Variants in LRRC7 observed in about 807,000 individuals in gnomAD.
LRRC7 encodes leucine rich repeat containing 7.
LRRC7 carries 23 observed loss-of-function variants against 175.7 expected under a neutral mutation model. The ratio of observed to expected loss-of-function variants is 0.13; its 90% CI spans 0.09 to 0.19. The LOEUF is 0.19. LRRC7 is among the 10% of genes least tolerant of loss of function. The pLI is 1.00. For synonymous variants in LRRC7, 685 were observed against 680.9 expected (o/e 1.01, Z -0.09); for missense variants, 1,354 against 1,904.7 (o/e 0.71, Z 5.38).
chr1:69,845,206 A>G (rs1314775198), intron 7 of LRRC7, among the ~76,000 whole-genome samples: 1 of 152,088 alleles, frequency 6.6e-6, no homozygotes, highest in Non-Finnish European at 1.5e-5. Context: ...AGCTCTGATC[A>G]TGCCACTGCA....
intron 3 of LRRC7, among the ~76,000 whole-genome samples, chr1:69,778,226 T>G (rs1043617325): frequency 1.3e-5 from 2 of 152,172 alleles, no homozygotes; most frequent in Non-Finnish European, 2.9e-5. Flanking sequence ...ATGTATACAA[T>G]TCCATAGTTG....
chr1:69,830,934 T>C (rs1249135589), intron 5 of LRRC7, among the ~76,000 whole-genome samples: 1 of 151,924 alleles, frequency 6.6e-6, no homozygotes, highest in Admixed American at 6.6e-5. Flanking sequence ...AAAAATGTGG[T>C]CAATTCTTAA....
At chr1:69,655,635 A>G (rs61782251) in intron 1 of LRRC7, among the ~76,000 whole-genome samples, 10,513 of 152,084 alleles carry the variant, frequency 0.069, 474 homozygotes, top group African/African-American at 0.12. Context: ...TTTAACATTT[A>G]TGTACAAAAT....
intron 1 of LRRC7, among the ~76,000 whole-genome samples, chr1:69,579,950 T>C (rs1480592379): frequency 1.3e-5 from 2 of 151,910 alleles, no homozygotes; most frequent in African/African-American, 4.8e-5. Context: ...GAAGTGTTTA[T>C]GACCCAGTGC....
chr1:69,728,528 C>T (rs1570537184), intron 2 of LRRC7, among the ~76,000 whole-genome samples: 2 of 150,904 alleles, frequency 1.3e-5, no homozygotes, highest in East Asian at 2.0e-4. Flanking sequence ...GTTATTGCTA[C>T]ATCAAAATAT....
At chr1:70,043,852 C>A in intron 21 of LRRC7, 102 bp from the exon 22 acceptor site, 1 of 1,369,910 alleles carries the variant, frequency 7.3e-7, no homozygotes, top group South Asian at 1.5e-5. Flanking sequence ...TACTGTTTGC[C>A]TGCCTAAAGT....
chr1:70,083,479 C>G (rs928901869), intron 24 of LRRC7, among the ~76,000 whole-genome samples: 1 of 152,080 alleles, frequency 6.6e-6, no homozygotes, highest in East Asian at 1.9e-4. Flanking sequence ...TACCATGAAG[C>G]ATTCTTTCTG....
rs1220225872 is a variant in LRRC7, at chr1:69,760,516, G to C, written c.303+123G>C. ...AGGTAACTGACAAGTCATTGAAATT[G>C]ATATAACTTCCCCCAATATTCTCAT... is the stretch of plus-strand genomic sequence containing the variant. On this transcript the variant is annotated intron_variant, in intron 3 of 26. Transcript: ENST00000651989. The C allele has an allele frequency of 6.4e-6, 5 of 775,678 alleles. No homozygotes were observed. In the African/African-American group the frequency reaches 8.8e-5, roughly 14 times the overall value. The allele number at this position is 775,678 out of a possible 1,614,324, so 48.0% of individuals were successfully genotyped here. A position where few individuals can be genotyped will look rare whatever the true frequency, so the allele number is the denominator to read the frequency against.
At chr1:69,872,571 A>C (rs1411969360) in intron 7 of LRRC7, among the ~76,000 whole-genome samples, 1 of 152,082 alleles carries the variant, frequency 6.6e-6, no homozygotes, top group Non-Finnish European at 1.5e-5. Flanking sequence ...TCTAGAGATG[A>C]TAAATATTTT....
chr1:69,670,810 T>C (rs541303009), intron 1 of LRRC7, among the ~76,000 whole-genome samples: 1 of 152,122 alleles, frequency 6.6e-6, no homozygotes, highest in Non-Finnish European at 1.5e-5. Context: ...CCCATGGGGA[T>C]TAGTGATAGG....
intron 2 of LRRC7, among the ~76,000 whole-genome samples, chr1:69,694,014 C>G (rs932646304): frequency 6.6e-6 from 1 of 152,132 alleles, no homozygotes; most frequent in Non-Finnish European, 1.5e-5. Flanking sequence ...CTACATTGTT[C>G]AAGCAAATCA....
intron 8 of LRRC7, among the ~76,000 whole-genome samples, chr1:69,935,080 C>A (rs529408680): frequency 2.6e-5 from 4 of 152,070 alleles, no homozygotes; most frequent in Admixed American, 6.6e-5. Flanking sequence ...GTTTAGAGTT[C>A]GGGAATTCAA....
intron 3 of LRRC7, among the ~76,000 whole-genome samples, chr1:69,790,912 A>T (rs540709771): frequency 9.9e-5 from 15 of 152,028 alleles, no homozygotes; most frequent in Non-Finnish European, 2.1e-4. Context: ...TGCATATTTC[A>T]TATTAAGTAA....
intron 1 of LRRC7, among the ~76,000 whole-genome samples, chr1:69,582,335 CT>C: frequency 6.6e-6 from 1 of 152,278 alleles, no homozygotes. Context: ...CATTTCTCCC[CT>C]ACAGACCTGT....
chr1:69,662,030 T>C (rs1010031056), intron 1 of LRRC7, among the ~76,000 whole-genome samples: 3 of 152,234 alleles, frequency 2.0e-5, no homozygotes, highest in Middle Eastern at 3.4e-3. Context: ...GTTTTTTCAT[T>C]TAGGCAACTT....
At chr1:69,709,716 G>A (rs1039244727) in intron 2 of LRRC7, among the ~76,000 whole-genome samples, 4 of 152,118 alleles carry the variant, frequency 2.6e-5, no homozygotes, top group South Asian at 2.1e-4. Context: ...TAGGAAAGAC[G>A]GACTCTCTGG....
chr1:69,699,682 C>T (rs1017139851), intron 2 of LRRC7, among the ~76,000 whole-genome samples: 6 of 150,376 alleles, frequency 4.0e-5, no homozygotes, highest in Non-Finnish European at 8.8e-5. Context: ...GTGGGGTTCA[C>T]GTGTCCCTCC....
intron 1 of LRRC7, among the ~76,000 whole-genome samples, chr1:69,621,867 C>T (rs12136900): frequency 0.27 from 40,736 of 151,966 alleles, 5,797 homozygotes; most frequent in East Asian, 0.36. Context: ...CTTCTTCATT[C>T]TATTCAATGC....
rs547218855 is a variant in LRRC7, at chr1:70,111,449, C to A, written c.4620+3623C>A. On this transcript the variant is annotated intron_variant, in intron 26 of 26. Coordinates refer to ENST00000651989, the MANE Select transcript of LRRC7 (RefSeq NM_001370785.2). ...TCATAGACTCACCTTCTGTTAAGTT[C>A]AATTATATAACAGTAAGAGAAAAAA... Among the ~76,000 whole-genome samples, 49 of 152,016 alleles carry A rather than the reference C, an allele frequency of 3.2e-4. No individual in the cohort carries two copies. The South Asian group carries it at 9.6e-3, about 30-fold the overall frequency.
Sources: allele counts gnomAD v4.1 joint callset (sites outside exome capture counted in the v4.1 genomes callset), GRCh38; gene constraint gnomAD v4.1.1; transcripts MANE v1.5; gene names NCBI Gene and HGNC (gene_info 2026-07-23, HGNC 2026-07-21).